CTSE: variants seen among roughly 807,000 people sequenced by gnomAD.
The protein encoded by CTSE is erythrocyte membrane aspartic proteinase.
CTSE carries 43 observed loss-of-function variants against 42.8 expected under a neutral mutation model. The observed-to-expected ratio is 1.01, with a 90% CI of 0.79 to 1.30. The LOEUF (loss-of-function observed/expected upper bound fraction) is 1.30. Ranked by LOEUF, CTSE falls within the 50% of genes most tolerant of loss-of-function variation. The probability of loss-of-function intolerance (pLI) is 0.00; values close to 1 mark genes in which losing one functional copy is unlikely to be tolerated. For missense variants in CTSE, 532 were observed against 493.5 expected, an observed-to-expected ratio of 1.08 and a Z score of -0.74; for synonymous variants, 205 against 191.5, an observed-to-expected ratio of 1.07 and a Z score of -0.58.
rs1553277104 is a variant in CTSE at position 206,012,362 on chromosome 1, G to T, written c.972C>A (p.Thr324=). The part of the protein sequence containing the change: ...CANLNVMPDV[T]FTINGVPYTL... ...TATAGGGGACTCCGTTAATGGTGAA[G>T]GTGACATCCGGCATGACGTTAAGGT... Residue 324 remains threonine (T), a synonymous_variant, in exon 8 of 9, where the codon ACC becomes ACA. Transcript: ENST00000358184. 2 of 1,613,856 alleles carry T rather than the reference G, an allele frequency of 1.2e-6. No homozygotes were observed. Among genetic ancestry groups the T allele is most frequent in the African/African-American group, 2.7e-5 (2 of 74,898 alleles).
intron 3 of CTSE, chr1:206,021,446 C>T (rs536279154): frequency 7.6e-5 from 27 of 356,320 alleles, no homozygotes; most frequent in East Asian, 2.7e-4. Flanking sequence ...ATTTATCAGG[C>T]GCCAGCCACA....
At chr1:206,021,924 A>G (rs139614974) in intron 3 of CTSE, among the ~76,000 whole-genome samples, 118 of 152,222 alleles carry the variant, frequency 7.8e-4, no homozygotes, top group African/African-American at 2.6e-3. Context: ...TCTGATCAGT[A>G]TGAAAGTTAC....
At chr1:206,022,845 G>T in intron 2 of CTSE, 56 bp downstream of exon 2, 1 of 1,487,732 alleles carries the variant, frequency 6.7e-7, no homozygotes, top group Admixed American at 2.2e-5. Context: ...ATGCCCTAAT[G>T]CTGGGCCTTC....
At position 206,010,340 on chromosome 1, in the gene CTSE, A is replaced by G. The variant is rs1553276766; in HGVS notation, c.1034T>C (p.Val345Ala). Residue 345 changes from valine to alanine, a missense_variant, in exon 9 of 9, where the codon GTG becomes GCG. Transcript: ENST00000358184. Reference protein sequence around the residue: ...SPTAYTLLDFVDGMQFCSSGF... With the variant: ...SPTAYTLLDFADGMQFCSSGF... The stretch of plus-strand genomic sequence containing the variant: ...ACTGCTGCAGAACTGCATTCCATCC[A>G]CGAAGTCCTGTGGGTTGGAAAGAAG... The G allele has an allele frequency of 1.2e-6, 2 of 1,613,124 alleles. No homozygotes were observed. The highest frequency in any genetic ancestry group is 1.7e-5 in the Admixed American group (1 of 59,994).
chr1:206,020,476 T>C (rs1024801844), intron 4 of CTSE, among the ~76,000 whole-genome samples: 21 of 152,054 alleles, frequency 1.4e-4, no homozygotes, highest in African/African-American at 5.1e-4. Flanking sequence ...AAAAAGTACC[T>C]GGCTCTCTGT....
chr1:206,023,685 G>C, intron 1 of CTSE, 39 bp downstream of exon 1: 1 of 1,597,996 alleles, frequency 6.3e-7, no homozygotes, highest in Non-Finnish European at 8.6e-7. Context: ...CAGGGCATGG[G>C]ACTACCCAGC....
At chr1:206,022,379 C>G (rs1449617940) in intron 2 of CTSE, 112 bp from the exon 3 acceptor site, 4 of 677,616 alleles carry the variant, frequency 5.9e-6, no homozygotes, top group African/African-American at 1.8e-5. Flanking sequence ...GTAATACAGA[C>G]TGGAGTTTAC....
chr1:206,011,110 CT>C (rs782367592), intron 8 of CTSE, among the ~76,000 whole-genome samples: 1 of 151,992 alleles, frequency 6.6e-6, no homozygotes, highest in Non-Finnish European at 1.5e-5. Flanking sequence ...GAAAGAACCA[CT>C]CACTGTACTG....
In CTSE at chr1:206,010,053, C is replaced by G; in HGVS notation, c.*130G>C. 9.5e-7 allele frequency: 1 copy of G among 1,053,674 alleles called. No homozygotes were observed. Among genetic ancestry groups the G allele is most frequent in the Non-Finnish European group, 1.4e-6 (1 of 699,288 alleles). 65.3% of individuals were successfully genotyped at this position (1,053,674 alleles called of 1,614,324 possible). A position where few individuals can be genotyped will look rare whatever the true frequency, so the allele number is the denominator to read the frequency against. ...TGTGTATTCTCATGTTCTGTTTGGT[C>G]TTAATTCAAGTTGCAACCCTGGAAA... On this transcript the variant is annotated 3_prime_UTR_variant, in exon 9 of 9. Transcript: ENST00000358184.
At chr1:206,012,893 C>T (rs371132691) in intron 6 of CTSE, among the ~76,000 whole-genome samples, 7 of 152,202 alleles carry the variant, frequency 4.6e-5, no homozygotes, top group South Asian at 2.1e-4. Context: ...TATTCCAATT[C>T]GTCTAAAAAA....
At chr1:206,019,280 G>T (rs1661345204) in intron 4 of CTSE, among the ~76,000 whole-genome samples, 1 of 152,062 alleles carries the variant, frequency 6.6e-6, no homozygotes, top group Non-Finnish European at 1.5e-5. Flanking sequence ...TCTACAGTTT[G>T]CACAGCAGAA....
rs782316578 is a variant in CTSE at position 206,013,920 on chromosome 1, C to T, written c.663-26G>A. On this transcript the variant is annotated intron_variant, in intron 5 of 8. Coordinates refer to ENST00000358184, the MANE Select transcript of CTSE (RefSeq NM_001910.4). ...CTACATGGAGAGAAAGACAAACTGT[C>T]CAGGAAGGGCCACTGCAAAACTCTA... The T allele has an allele frequency of 1.9e-6, 3 of 1,611,792 alleles. No homozygotes were observed. The East Asian group carries it at 6.7e-5, about 36-fold the overall frequency.
At chr1:206,022,351 C>T in intron 2 of CTSE, 84 bp from the exon 3 acceptor site, 2 of 923,036 alleles carry the variant, frequency 2.2e-6, no homozygotes, top group Non-Finnish European at 3.4e-6. Context: ...GGAAAGCTCC[C>T]AGGGGCCAGA....
In CTSE at chr1:206,012,395, C is replaced by T. The variant is rs782584996; in HGVS notation, c.939G>A (p.Glu313=). The T allele has an allele frequency of 6.2e-7, 1 of 1,613,980 alleles. No individual in the cohort carries two copies. Among genetic ancestry groups the T allele is most frequent in the Non-Finnish European group, 8.5e-7 (1 of 1,179,906 alleles). The change falls in exon 8 of 9, where the codon GAG becomes GAA. Residue 313 remains glutamate (E), a synonymous_variant. Coordinates refer to ENST00000358184, the MANE Select transcript of CTSE (RefSeq NM_001910.4). ...AAPVDGEYAV[E]CANLNVMPDV... is the part of the protein sequence containing the mutation. ...CCGGCATGACGTTAAGGTTGGCACACTCCACAGCATACTAAAACCCAATAC... is the reference window on the plus strand; with the variant it reads ...CCGGCATGACGTTAAGGTTGGCACATTCCACAGCATACTAAAACCCAATAC...
chr1:206,016,996 A>T (rs28620239), intron 4 of CTSE, among the ~76,000 whole-genome samples: 33,052 of 151,866 alleles, frequency 0.22, 4,137 homozygotes, highest in African/African-American at 0.32. Context: ...AAAAAATTTG[A>T]CTTTTTAATG....
Position 206,013,826 on chromosome 1 carries a change from C to CTT in CTSE, c.730_731insAA (p.Ser244LysfsTer3), listed in dbSNP as rs571461818. ...CTTGGTGACTGGGACCCAATTCAGG[C>CTT]TCCCAGAGAAATGGGAGTGGTCGTA... On this transcript the variant is annotated frameshift_variant, in exon 6 of 9. Transcript: ENST00000358184. LOFTEE classifies it high-confidence loss of function. 515 of 1,613,724 alleles carry CTT rather than the reference C, an allele frequency of 3.2e-4. 8 individuals carry two copies. In the South Asian group the frequency reaches 5.4e-3, roughly 17 times the overall value.
At position 206,022,064 on chromosome 1, in the gene CTSE, T is replaced by A. The variant is rs190676822; in HGVS notation, c.343+86A>T. 332 of 892,318 alleles carry A rather than the reference T, an allele frequency of 3.7e-4. 3 individuals are homozygous for A. In the African/African-American group the frequency reaches 5.1e-3, roughly 14 times the overall value. The allele number at this position is 892,318 out of a possible 1,614,324, so 55.3% of individuals were successfully genotyped here. A position where few individuals can be genotyped will look rare whatever the true frequency, so the allele number is the denominator to read the frequency against. On this transcript the variant is annotated intron_variant, in intron 3 of 8. Transcript: ENST00000358184. ...GCAGGGATGGCCAGTTTCTGGAACC[T>A]AAGCCCCCCTTCCCCAGAGTACCAG...
intron 6 of CTSE, among the ~76,000 whole-genome samples, chr1:206,012,935 C>T (rs888079818): frequency 2.0e-5 from 3 of 152,050 alleles, no homozygotes; most frequent in African/African-American, 7.2e-5. Context: ...ACCTTGTGAT[C>T]CACCTGCCTC....
chr1:206,020,466 A>C (rs1477114813), intron 4 of CTSE, among the ~76,000 whole-genome samples: 1 of 152,026 alleles, frequency 6.6e-6, no homozygotes, highest in Non-Finnish European at 1.5e-5. Flanking sequence ...TATAAGCCTG[A>C]AAAAGTACCT....
Sources: allele counts gnomAD v4.1 joint callset (sites outside exome capture counted in the v4.1 genomes callset), GRCh38; gene constraint gnomAD v4.1.1; transcripts MANE v1.5; gene names NCBI Gene and HGNC (gene_info 2026-07-23, HGNC 2026-07-21).